Variants in RP1L1 observed in about 807,000 individuals in gnomAD.
RP1L1 encodes retinitis pigmentosa 1-like 1 protein.
A neutral mutation model predicts 15.7 loss-of-function variants in RP1L1; 27 were observed. That is an observed-to-expected ratio of 1.72 (90% CI 1.27 to 2.38). The LOEUF (loss-of-function observed/expected upper bound fraction) is 2.38, where lower values mean the gene tolerates loss of function less well. RP1L1 is among the 30% of genes most tolerant of loss of function. RP1L1 has a pLI of 0.00. For synonymous variants in RP1L1, 1,813 were observed against 1,276.7 expected, an observed-to-expected ratio of 1.42 and a Z score of -8.96; for missense variants, 4,798 against 3,075.9, an observed-to-expected ratio of 1.56 and a Z score of -13.24.
At chr8:10,633,224 A>G (rs1798278423) in intron 1 of RP1L1, among the ~76,000 whole-genome samples, 1 of 152,170 alleles carries the variant, frequency 6.6e-6, no homozygotes, top group Non-Finnish European at 1.5e-5. Context: ...TGGCCTCACA[A>G]AGCCGCAGCC....
In RP1L1 at chr8:10,612,371, G is replaced by T; in HGVS notation, c.1727C>A (p.Ser576Tyr). ...QEASEGGDPA[S>Y]PALSLSSLRS... ...TAAAGATGAAAGACTCAGGGCTGGAGAAGCGGGGTCGCCTCCCTCGCTGGC... is the reference window on the plus strand; with the variant it reads ...TAAAGATGAAAGACTCAGGGCTGGATAAGCGGGGTCGCCTCCCTCGCTGGC... The change falls in exon 4 of 4, where the codon TCT becomes TAT. Residue 576 changes from serine (S) to tyrosine (Y), a missense_variant. Physicochemically the swap from Ser to Tyr is moderately radical, Grantham distance 144. Coordinates refer to ENST00000382483, the MANE Select transcript of RP1L1 (RefSeq NM_178857.6). 1 of 1,613,008 alleles carries T rather than the reference G, an allele frequency of 6.2e-7. No homozygotes were observed. Among genetic ancestry groups the T allele is most frequent in the Non-Finnish European group, 8.5e-7 (1 of 1,180,030 alleles).
In RP1L1 at chr8:10,610,843, G is replaced by C. The variant is rs150752593; in HGVS notation, c.3255C>G (p.Ile1085Met). The C allele has an allele frequency of 7.2e-4, 1,158 of 1,608,176 alleles. 18 individuals are homozygous for C. In the East Asian group the frequency reaches 0.022, roughly 31 times the overall value. Reference protein sequence around the residue: ...LPGRVSASTQIMRALMGSKQG... With the variant: ...LPGRVSASTQMMRALMGSKQG... ...GCTTGGAGCCCATCAGCGCCCTCAT[G>C]ATCTGCGTGGAGGCAGACACCCGGC... The change falls in exon 4 of 4, where the codon ATC becomes ATG. Residue 1085 changes from isoleucine (I) to methionine (M), a missense_variant. Transcript: ENST00000382483.
In RP1L1 at chr8:10,607,686, C is replaced by T. The variant is rs751901103; in HGVS notation, c.6412G>A (p.Glu2138Lys). 8.2e-6 allele frequency: 13 copies of T among 1,593,118 alleles called. No individual in the cohort carries two copies. The East Asian group carries it at 2.3e-4, about 28-fold the overall frequency. Residue 2138 changes from glutamate to lysine, a missense_variant, in exon 4 of 4, where the codon GAA becomes AAA. Coordinates refer to ENST00000382483, the MANE Select transcript of RP1L1 (RefSeq NM_178857.6). ...TCTGACTCAGGCTGGGCCTCCCCTT[C>T]AGCCTCTGGGGCCTCTATACCTTCT... ...ESEGIEAPEA[E>K]GEAQPESEGV...
intron 1 of RP1L1, among the ~76,000 whole-genome samples, chr8:10,641,622 A>C (rs1035877702): frequency 1.3e-5 from 2 of 152,230 alleles, no homozygotes; most frequent in Non-Finnish European, 2.9e-5. Flanking sequence ...TGTTATCGTA[A>C]TGTAAAATGG....
At chr8:10,618,057 G>C (rs776915852) in intron 2 of RP1L1, among the ~76,000 whole-genome samples, 7 of 152,142 alleles carry the variant, frequency 4.6e-5, no homozygotes, top group Admixed American at 4.6e-4. Flanking sequence ...CAATGCTTGG[G>C]GATGTATTTC....
intron 3 of RP1L1, 127 bp downstream of exon 3, chr8:10,616,319 T>C: frequency 8.1e-7 from 1 of 1,238,912 alleles, no homozygotes. Context: ...GATCCCAAAA[T>C]GACTGGGATA....
Position 10,612,241 on chromosome 8 carries a change from C to T in RP1L1, c.1857G>A (p.Trp619Ter), listed in dbSNP as rs781554433. 1 of 1,613,218 alleles carries T rather than the reference C, an allele frequency of 6.2e-7. No individual in the cohort carries two copies. Among genetic ancestry groups the T allele is most frequent in the African/African-American group, 1.3e-5 (1 of 75,064 alleles). The change falls in exon 4 of 4, where the codon TGG becomes TGA. Residue 619 changes from tryptophan (W) to a stop codon, truncating the protein, a stop_gained. Coordinates refer to ENST00000382483, the MANE Select transcript of RP1L1 (RefSeq NM_178857.6). LOFTEE classifies it low-confidence loss of function (END_TRUNC). ...EPLVLGLSCS[W>*]DSEGASSTPS... ...GGGTGGAAGAGGCTCCTTCCGAGTC[C>T]CAGGAGCAGGAAAGGCCCAGAACCA...
In RP1L1 at chr8:10,611,837, G is replaced by A. The variant is rs377368052; in HGVS notation, c.2261C>T (p.Pro754Leu). The A allele has an allele frequency of 6.3e-5, 102 of 1,613,650 alleles. No individual in the cohort carries two copies. In the African/African-American group the frequency reaches 8.1e-4, roughly 13 times the overall value. Residue 754 changes from proline to leucine, a missense_variant, in exon 4 of 4, where the codon CCG becomes CTG. Pro to Leu is a moderately conservative substitution (Grantham distance 98). Transcript: ENST00000382483. ...VHSDFVSGVSPHNAPSAGWAG... is the reference protein window; with the variant it reads ...VHSDFVSGVSLHNAPSAGWAG... ...CCACCCGGCAGAGGGAGCGTTGTGC[G>A]GGGAGACTCCAGAAACAAAATCCGA... is the stretch of plus-strand genomic sequence containing the variant.
chr8:10,608,504 C>T lies in RP1L1; in HGVS notation c.5594G>A (p.Gly1865Glu). ...ATCTTCTGACTCTGGCTGGGCCTCC[C>T]CTTCAGCCTCCTGGGCATCCCCTTC... ...EAEGDAQEAE[G>E]EAQPESEDVE... Residue 1865 changes from glycine (G) to glutamate (E), a missense_variant, in exon 4 of 4, where the codon GGG becomes GAG. Coordinates refer to ENST00000382483, the MANE Select transcript of RP1L1 (RefSeq NM_178857.6). The T allele has an allele frequency of 1.5e-6, 2 of 1,310,166 alleles. No homozygotes were observed. Among genetic ancestry groups the T allele is most frequent in the Non-Finnish European group, 2.2e-6 (2 of 927,238 alleles). The allele number at this position is 1,310,166 out of a possible 1,614,324, so 81.2% of individuals were successfully genotyped here. A position where few individuals can be genotyped will look rare whatever the true frequency, so the allele number is the denominator to read the frequency against.
Position 10,606,783 on chromosome 8 carries a change from G to C in RP1L1, c.*112C>G. On this transcript the variant is annotated 3_prime_UTR_variant, in exon 4 of 4. Transcript: ENST00000382483. The stretch of plus-strand genomic sequence containing the variant: ...TGTCCTTGGCAAGTCCTTGGTCTTT[G>C]TCCATGTACTATGGACATCTCCAGT... 1 of 1,559,292 alleles carries C rather than the reference G, an allele frequency of 6.4e-7. No individual in the cohort carries two copies. The highest frequency in any genetic ancestry group is 8.6e-7 in the Non-Finnish European group (1 of 1,157,638).
chr8:10,623,321 T>A, intron 1 of RP1L1, 101 bp from the exon 2 acceptor site: 1 of 848,786 alleles, frequency 1.2e-6, no homozygotes, highest in Non-Finnish European at 1.8e-6. Flanking sequence ...CCACCCCAAA[T>A]GTGCTCCACT....
chr8:10,611,659 A>C lies in RP1L1; in HGVS notation c.2439T>G (p.Pro813=). The change falls in exon 4 of 4, where the codon CCT becomes CCG. Residue 813 remains proline (P), a synonymous_variant. Coordinates refer to ENST00000382483, the MANE Select transcript of RP1L1 (RefSeq NM_178857.6). ...GGTGGGGGCCCACCGCCCCTTGCTC[A>C]GGCCGTCCAACCTGCAGAACCAAGG... The part of the protein sequence containing the change: ...SSPLVLQVGR[P]EQGAVGPHRS... 1 of 1,613,132 alleles carries C rather than the reference A, an allele frequency of 6.2e-7. No homozygotes were observed. The highest frequency in any genetic ancestry group is 1.3e-5 in the African/African-American group (1 of 75,042).
In RP1L1 at chr8:10,609,168, C is replaced by T. The variant is rs1266176690; in HGVS notation, c.4930G>A (p.Gly1644Arg). 11 of 1,613,058 alleles carry T rather than the reference C, an allele frequency of 6.8e-6. No individual in the cohort carries two copies. The highest frequency in any genetic ancestry group is 8.5e-6 in the Non-Finnish European group (10 of 1,180,032). ...TCCGCCTCCTCGCCCAGCTGGCTCC[C>T]CAGGGCTGTGCTGAGGGCTGGCTCG... ...EDEPALSTAL[G>R]SQLGEEAEGE... Residue 1644 changes from glycine to arginine, a missense_variant, in exon 4 of 4, where the codon GGG becomes AGG. Physicochemically the swap from Gly to Arg is moderately radical, Grantham distance 125. Coordinates refer to ENST00000382483, the MANE Select transcript of RP1L1 (RefSeq NM_178857.6).
At chr8:10,645,124 C>T (rs1054467278) in intron 1 of RP1L1, among the ~76,000 whole-genome samples, 31 of 151,976 alleles carry the variant, frequency 2.0e-4, no homozygotes, top group African/African-American at 6.5e-4. Context: ...GCCAGGAGTT[C>T]GAGACAAGTT....
rs745704639 is a variant in RP1L1, at chr8:10,611,339, C to T, written c.2759G>A (p.Arg920Gln). The T allele has an allele frequency of 1.6e-5, 25 of 1,612,162 alleles. No individual in the cohort carries two copies. Among genetic ancestry groups the T allele is most frequent in the South Asian group, 9.9e-5 (9 of 91,060 alleles). The part of the protein sequence containing the change: ...RSSASQGAGS[R>Q]GLSEEKTLRS... ...CAAGGTCTTCTCCTCGGACAGCCCC[C>T]GAGACCCCGCACCCTGGCTGGCACT... The change falls in exon 4 of 4, where the codon CGG (arginine) becomes CAG (glutamine). Residue 920 changes from arginine to glutamine, a missense_variant. Arg to Gln is a conservative substitution (Grantham distance 43, BLOSUM62 1). Coordinates refer to ENST00000382483, the MANE Select transcript of RP1L1 (RefSeq NM_178857.6).
At chr8:10,627,975 G>A (rs1798184097) in intron 1 of RP1L1, among the ~76,000 whole-genome samples, 2 of 152,200 alleles carry the variant, frequency 1.3e-5, no homozygotes, top group South Asian at 4.1e-4. Context: ...CAGAGACTGA[G>A]GCACAGCTTG....
Position 10,611,701 on chromosome 8 carries a change from C to G in RP1L1, c.2397G>C (p.Thr799=), listed in dbSNP as rs539931552. 6.2e-7 allele frequency: 1 copy of G among 1,613,500 alleles called. No individual in the cohort carries two copies. The highest frequency in any genetic ancestry group is 1.7e-5 in the Admixed American group (1 of 60,028). Reference sequence around the variant, plus strand: ...GAACCAAGGGTGAGGAGGGCTGAGGCGTGTCCCTGGCCTCTTCCCCCAGGC... The same window carrying G: ...GAACCAAGGGTGAGGAGGGCTGAGGGGTGTCCCTGGCCTCTTCCCCCAGGC... ...AASLGEEARD[T]PQPSSPLVLQ... is the part of the protein sequence containing the mutation. The change falls in exon 4 of 4, where the codon ACG becomes ACC. Residue 799 remains threonine (T), a synonymous_variant. Transcript: ENST00000382483.
At position 10,612,556 on chromosome 8, in the gene RP1L1, G is replaced by A. The variant is rs753380591; in HGVS notation, c.1542C>T (p.Gly514=). The A allele has an allele frequency of 5.0e-6, 8 of 1,608,764 alleles. No homozygotes were observed. In the East Asian group the frequency reaches 1.6e-4, roughly 31 times the overall value. The change falls in exon 4 of 4, where the codon GGC becomes GGT. Residue 514 remains glycine (G), a synonymous_variant. Coordinates refer to ENST00000382483, the MANE Select transcript of RP1L1 (RefSeq NM_178857.6). The part of the protein sequence containing the change: ...GLCIDGAGLG[G]PEQGGRLTPR... ...GTGTCAGGCGGCCGCCTTGCTCTGG[G>A]CCGCCCAGCCCTGCTCCATCTATGC...
chr8:10,623,989 C>T (rs1206281403), intron 1 of RP1L1, among the ~76,000 whole-genome samples: 1 of 151,988 alleles, frequency 6.6e-6, no homozygotes. Context: ...CTCCATGTCC[C>T]CGGCATCACC....
Sources: gnomAD v4.1 joint callset for allele counts (sites outside exome capture counted in the v4.1 genomes callset) on GRCh38, gnomAD v4.1.1 for gene constraint, MANE v1.5 for transcripts, NCBI Gene and HGNC (gene_info 2026-07-23, HGNC 2026-07-21) for gene names.